Variants in ONECUT3 observed in about 807,000 individuals in gnomAD.
The protein encoded by ONECUT3 is one cut homeobox 3.
In ONECUT3, 11 loss-of-function variants were observed where a neutral mutation model predicts 16.8. That is an observed-to-expected ratio of 0.66 (90% CI 0.41 to 1.09). The LOEUF (loss-of-function observed/expected upper bound fraction) is 1.09. Among genes scored for constraint, ONECUT3 ranks in the 50% least tolerant of loss-of-function variants. The probability of loss-of-function intolerance (pLI) is 0.00; values close to 1 mark genes in which losing one functional copy is unlikely to be tolerated. For missense variants in ONECUT3, 637 were observed against 629.9 expected (o/e 1.01, Z -0.12); for synonymous variants, 344 against 310.7 (o/e 1.11, Z -1.13).
At chr19:1,775,089 TC>T in intron 1 of ONECUT3, 63 bp from the exon 2 acceptor site, 1 of 1,168,556 alleles carries the variant, frequency 8.6e-7, no homozygotes, top group Non-Finnish European at 1.2e-6. Context: ...CTCCTGCCTC[TC>T]CCCGGCCGGC....
Position 1,755,986 on chromosome 19 carries a change from C to CA in ONECUT3, c.1192+1132_1192+1133insA, listed in dbSNP as rs2145955943. Among the ~76,000 whole-genome samples the CA allele has an allele frequency of 6.6e-6, 1 of 152,292 alleles. No individual in the cohort carries two copies. Among genetic ancestry groups the CA allele is most frequent in the South Asian group, 2.1e-4 (1 of 4,828 alleles). ...CGGGCCACAGGGACAATAGCCGCGG[C>CA]GGCTGGCGCCTGATCGATCGCTTCT... On this transcript the variant is annotated intron_variant, in intron 1 of 1. Transcript: ENST00000382349. The surrounding 1 kb of genome is among the most constrained non-coding windows in gnomAD (Gnocchi z 7.5).
Position 1,764,327 on chromosome 19 carries a change from G to A in ONECUT3, c.1192+9473G>A, listed in dbSNP as rs1051972603. ...TGGAGCCACGAGGGAGGGACAGCCCGAGAGTCCAAGTGGAAATGCGTTTCC... is the reference window on the plus strand; with the variant it reads ...TGGAGCCACGAGGGAGGGACAGCCCAAGAGTCCAAGTGGAAATGCGTTTCC... On this transcript the variant is annotated intron_variant, in intron 1 of 1. Coordinates refer to ENST00000382349, the MANE Select transcript of ONECUT3 (RefSeq NM_001080488.2). This position sits in a 1 kb window ranked among gnomAD's most constrained non-coding sequence, Gnocchi z 5.0. Among the ~76,000 whole-genome samples the A allele has an allele frequency of 1.3e-5, 2 of 152,172 alleles. No individual in the cohort carries two copies. Among genetic ancestry groups the A allele is most frequent in the South Asian group, 2.1e-4 (1 of 4,824 alleles).
rs991071584 is a variant in ONECUT3 at position 1,758,445 on chromosome 19, T to TA, written c.1192+3592dup. 6.7e-6 allele frequency among the ~76,000 whole-genome samples: 1 copy of TA among 149,436 alleles called. No individual in the cohort carries two copies. The highest frequency in any genetic ancestry group is 2.5e-5 in the African/African-American group (1 of 40,754). ...TGGGGTAGGACTTGGGAGAGGGGAA[T>TA]AGGTGTTTTCCTTGTTTCACCAAAG... is the stretch of plus-strand genomic sequence containing the variant. On this transcript the variant is annotated intron_variant, in intron 1 of 1. Transcript: ENST00000382349. The surrounding 1 kb of genome is among the most constrained non-coding windows in gnomAD (Gnocchi z 5.9).
At chr19:1,757,702 C>G (rs1004835396) in intron 1 of ONECUT3, among the ~76,000 whole-genome samples, 3 of 152,226 alleles carry the variant, frequency 2.0e-5, no homozygotes, top group Admixed American at 1.3e-4. Context: ...GCGAGGGCCG[C>G]GGGGTCACTA....
Position 1,780,840 on chromosome 19 carries a change from G to A in ONECUT3, c.*5395G>A, listed in dbSNP as rs1390996773. 6.6e-6 allele frequency: 1 copy of A among 152,142 alleles called. No homozygotes were observed. Among genetic ancestry groups the A allele is most frequent in the African/African-American group, 2.4e-5 (1 of 41,386 alleles). The allele number at this position is 152,142 out of a possible 1,614,324, so 9.4% of individuals were successfully genotyped here. ...GCCAGGAGGCCCTGCGGCCTTGAGT[G>A]TTTTGAATAGACTGGAACTGAGGGC... is the stretch of plus-strand genomic sequence containing the variant. On this transcript the variant is annotated 3_prime_UTR_variant, in exon 2 of 2. Transcript: ENST00000382349.
At chr19:1,760,236 G>T (rs369532880) in intron 1 of ONECUT3, among the ~76,000 whole-genome samples, 3 of 152,246 alleles carry the variant, frequency 2.0e-5, no homozygotes, top group Non-Finnish European at 2.9e-5. Flanking sequence ...AGGAGGGGCC[G>T]TAACAGGACC....
At position 1,755,249 on chromosome 19, in the gene ONECUT3, G is replaced by T. The variant is rs2145955479; in HGVS notation, c.1192+395G>T. On this transcript the variant is annotated intron_variant, in intron 1 of 1. Transcript: ENST00000382349. The surrounding 1 kb of genome is among the most constrained non-coding windows in gnomAD (Gnocchi z 7.5). The stretch of plus-strand genomic sequence containing the variant: ...GGGGAGCTGTGTCCCCGAACGAGCT[G>T]CTGTTGTCGGCTAAGGTGCCACTCC... Among the ~76,000 whole-genome samples the T allele has an allele frequency of 6.6e-6, 1 of 152,022 alleles. No individual in the cohort carries two copies. The highest frequency in any genetic ancestry group is 2.4e-5 in the African/African-American group (1 of 41,456).
chr19:1,775,067 G>C, intron 1 of ONECUT3, 86 bp from the exon 2 acceptor site: 2 of 816,040 alleles, frequency 2.5e-6, no homozygotes, highest in Non-Finnish European at 3.7e-6. Flanking sequence ...TCATCCTCCG[G>C]GCGGCGTGCG....
chr19:1,756,705 T>TTTTA (rs1433400309), intron 1 of ONECUT3, among the ~76,000 whole-genome samples: 1 of 145,210 alleles, frequency 6.9e-6, no homozygotes, highest in Admixed American at 6.9e-5. Flanking sequence ...ATTTTTTTTT[T>TTTTA]TTTTTTTTTT....
Position 1,754,118 on chromosome 19 carries a change from C to G in ONECUT3, c.456C>G (p.Pro152=). 1 of 1,026,776 alleles carries G rather than the reference C, an allele frequency of 9.7e-7. No homozygotes were observed. Among genetic ancestry groups the G allele is most frequent in the Admixed American group, 5.8e-5 (1 of 17,118 alleles). 63.6% of individuals were successfully genotyped at this position (1,026,776 alleles called of 1,614,324 possible). Residue 152 remains proline (P), a synonymous_variant, in exon 1 of 2, where the codon CCC becomes CCG. Transcript: ENST00000382349. The surrounding 1 kb of genome is among the most constrained non-coding windows in gnomAD (Gnocchi z 7.4). ...HAHPHPAAAP[P]PPPPPQRLAA... Reference sequence around the variant, plus strand: ...ACCCGCACCCGGCGGCCGCGCCGCCCCCGCCACCCCCGCCGCAGCGTCTGG... The same window carrying G: ...ACCCGCACCCGGCGGCCGCGCCGCCGCCGCCACCCCCGCCGCAGCGTCTGG...
intron 1 of ONECUT3, among the ~76,000 whole-genome samples, chr19:1,769,772 C>T (rs2068036960): frequency 1.3e-5 from 2 of 152,020 alleles, no homozygotes; most frequent in Non-Finnish European, 2.9e-5. Context: ...TCGATCTGGG[C>T]TGTGAGGAGC....
At chr19:1,760,972 A>G (rs904296341) in intron 1 of ONECUT3, among the ~76,000 whole-genome samples, 4 of 147,312 alleles carry the variant, frequency 2.7e-5, no homozygotes, top group African/African-American at 7.6e-5. Flanking sequence ...AACAACCATT[A>G]CCACTCTAGT....
chr19:1,754,894 G>A lies in ONECUT3; in HGVS notation c.1192+40G>A. 7.4e-7 allele frequency: 1 copy of A among 1,347,570 alleles called. No homozygotes were observed. The highest frequency in any genetic ancestry group is 9.6e-7 in the Non-Finnish European group (1 of 1,041,000). 83.5% of individuals were successfully genotyped at this position (1,347,570 alleles called of 1,614,324 possible). Reference sequence around the variant, plus strand: ...CGCAGGGCCAGACCCTGGGGGCGCCGGCTCTGGACTCCCGAGCACCTAGCG... The same window carrying A: ...CGCAGGGCCAGACCCTGGGGGCGCCAGCTCTGGACTCCCGAGCACCTAGCG... On this transcript the variant is annotated intron_variant, in intron 1 of 1. Coordinates refer to ENST00000382349, the MANE Select transcript of ONECUT3 (RefSeq NM_001080488.2). The surrounding 1 kb of genome is among the most constrained non-coding windows in gnomAD (Gnocchi z 7.4).
At chr19:1,757,899 C>G (rs1022131478) in intron 1 of ONECUT3, among the ~76,000 whole-genome samples, 1 of 152,238 alleles carries the variant, frequency 6.6e-6, no homozygotes, top group Non-Finnish European at 1.5e-5. Flanking sequence ...ATTTCAACCC[C>G]GCAGCAGAGG....
intron 1 of ONECUT3, among the ~76,000 whole-genome samples, chr19:1,772,216 T>A (rs2068061909): frequency 6.6e-6 from 1 of 151,922 alleles, no homozygotes; most frequent in South Asian, 2.1e-4. Flanking sequence ...TTTCATCATG[T>A]TGACCAGGCT....
At position 1,775,167 on chromosome 19, in the gene ONECUT3, GA is replaced by G; in HGVS notation, c.1209del (p.Glu403AspfsTer27). 7.4e-7 allele frequency: 1 copy of G among 1,352,696 alleles called. No homozygotes were observed. The highest frequency in any genetic ancestry group is 9.9e-7 in the Non-Finnish European group (1 of 1,010,416). 83.8% of individuals were successfully genotyped at this position (1,352,696 alleles called of 1,614,324 possible). A position where few individuals can be genotyped will look rare whatever the true frequency, so the allele number is the denominator to read the frequency against. ...ALRLAACKRK[E>X]QEQQKERALQ... ...CTCGCCCGCAGCCTGCAAGCGCAAG[GA>G]ACAGGAGCAGCAGAAGGAGCGCGCC... is the stretch of plus-strand genomic sequence containing the variant. On this transcript the variant is annotated frameshift_variant, in exon 2 of 2. Transcript: ENST00000382349. LOFTEE classifies it high-confidence loss of function.
chr19:1,768,908 G>C (rs201883659), intron 1 of ONECUT3, among the ~76,000 whole-genome samples: 2 of 115,418 alleles, frequency 1.7e-5, no homozygotes, highest in Non-Finnish European at 3.9e-5. Context: ...GGAGGTGGTG[G>C]AGGTGGAGGT....
At chr19:1,774,113 C>T (rs1056594215) in intron 1 of ONECUT3, among the ~76,000 whole-genome samples, 1 of 152,062 alleles carries the variant, frequency 6.6e-6, no homozygotes, top group Non-Finnish European at 1.5e-5. Context: ...AGATGTTCTG[C>T]GCTCCAGAGG....
At chr19:1,761,133 A>G (rs1462700878) in intron 1 of ONECUT3, among the ~76,000 whole-genome samples, 1 of 143,066 alleles carries the variant, frequency 7.0e-6, no homozygotes, top group East Asian at 2.1e-4. Flanking sequence ...GCTCACTGCA[A>G]CCTCTGCCTC....
Sources: allele counts gnomAD v4.1 joint callset (sites outside exome capture counted in the v4.1 genomes callset), GRCh38; gene constraint gnomAD v4.1.1; non-coding constraint Gnocchi (gnomAD v3.1); transcripts MANE v1.5; gene names NCBI Gene and HGNC (gene_info 2026-07-23, HGNC 2026-07-21).